The following TTC33 variants were observed in gnomAD, a reference collection of about 807,000 sequenced individuals.
TTC33 encodes tetratricopeptide repeat protein 33.
A neutral mutation model predicts 29.4 loss-of-function variants in TTC33; 24 were observed. The observed-to-expected ratio is 0.82, with a 90% CI of 0.59 to 1.15. The LOEUF (loss-of-function observed/expected upper bound fraction) is 1.15, where lower values mean the gene tolerates loss of function less well. Ranked by LOEUF, TTC33 falls within the 50% of genes most tolerant of loss-of-function variation. The pLI is 0.00. For synonymous variants in TTC33, 107 were observed against 100.3 expected, an observed-to-expected ratio of 1.07 and a Z score of -0.40; for missense variants, 286 against 310.4, an observed-to-expected ratio of 0.92 and a Z score of 0.59.
At chr5:40,734,340 C>T (rs1217541565) in intron 2 of TTC33, among the ~76,000 whole-genome samples, 1 of 118,174 alleles carries the variant, frequency 8.5e-6, no homozygotes, top group Non-Finnish European at 1.8e-5. Context: ...AGACACAGCC[C>T]TACTGCAGCT....
Position 40,712,879 on chromosome 5 carries a change from G to C in TTC33, c.*3266C>G, listed in dbSNP as rs1218537255. On this transcript the variant is annotated 3_prime_UTR_variant, in exon 5 of 5. Coordinates refer to ENST00000337702, the MANE Select transcript of TTC33 (RefSeq NM_012382.3). ...TAGTGCACATTAGGGCATGATTCATGTTACAGTAGCTTTAGGGCCACACTT... is the reference window on the plus strand; with the variant it reads ...TAGTGCACATTAGGGCATGATTCATCTTACAGTAGCTTTAGGGCCACACTT... 6.6e-6 allele frequency among the ~76,000 whole-genome samples: 1 copy of C among 152,136 alleles called. No individual in the cohort carries two copies. Among genetic ancestry groups the C allele is most frequent in the Non-Finnish European group, 1.5e-5 (1 of 68,022 alleles).
chr5:40,742,263 T>G (rs575099750), intron 2 of TTC33, among the ~76,000 whole-genome samples: 1 of 152,066 alleles, frequency 6.6e-6, no homozygotes, highest in Admixed American at 6.5e-5. Context: ...CATGAGGCAA[T>G]TGCAAGTGAA....
rs568412772 is a variant in TTC33 at position 40,711,733 on chromosome 5, T to G, written c.*4412A>C. Among the ~76,000 whole-genome samples, 286 of 152,234 alleles carry G rather than the reference T, an allele frequency of 1.9e-3. 1 individual carries two copies. The highest frequency in any genetic ancestry group is 3.2e-3 in the Non-Finnish European group (216 of 67,986). On this transcript the variant is annotated 3_prime_UTR_variant, in exon 5 of 5. Transcript: ENST00000337702. Reference sequence around the variant, plus strand: ...AGGAACTTATTATTGATACACATGATAACATGGATGAATCTCAACATGGAT... The same window carrying G: ...AGGAACTTATTATTGATACACATGAGAACATGGATGAATCTCAACATGGAT...
Position 40,723,592 on chromosome 5 carries a change from C to T in TTC33, c.435+4753G>A, listed in dbSNP as rs546407458. Among the ~76,000 whole-genome samples the T allele has an allele frequency of 5.9e-4, 89 of 151,916 alleles. 1 individual carries two copies. The highest frequency in any genetic ancestry group is 1.2e-3 in the Admixed American group (19 of 15,254). ...CACACACAAAAAAGGTGGCCAGATG[C>T]GGTGACTCACACCTATAATCCCAGC... On this transcript the variant is annotated intron_variant, in intron 4 of 4. Transcript: ENST00000337702.
chr5:40,748,256 G>C (rs182199399), intron 1 of TTC33, among the ~76,000 whole-genome samples: 10 of 151,796 alleles, frequency 6.6e-5, no homozygotes, highest in Admixed American at 6.6e-4. Context: ...GAGTGCAATG[G>C]CACGACCTCG....
chr5:40,722,645 G>T (rs1742168164), intron 4 of TTC33, among the ~76,000 whole-genome samples: 1 of 151,616 alleles, frequency 6.6e-6, no homozygotes, highest in Admixed American at 6.6e-5. Context: ...GCCCCGTCTG[G>T]GAAGTGAGGC....
At chr5:40,717,256 T>G (rs993021447) in intron 4 of TTC33, among the ~76,000 whole-genome samples, 2 of 146,354 alleles carry the variant, frequency 1.4e-5, no homozygotes, top group African/African-American at 5.0e-5. Context: ...AAGATTTACA[T>G]GTATTAACTC....
At chr5:40,734,036 A>C (rs1264939107) in intron 2 of TTC33, among the ~76,000 whole-genome samples, 1 of 152,232 alleles carries the variant, frequency 6.6e-6, no homozygotes, top group East Asian at 1.9e-4. Flanking sequence ...CCCTCAATGA[A>C]ATGTGCTTTG....
intron 4 of TTC33, among the ~76,000 whole-genome samples, chr5:40,718,635 G>C (rs750009389): frequency 6.6e-6 from 1 of 152,046 alleles, no homozygotes; most frequent in Admixed American, 6.5e-5. Flanking sequence ...CTACTCAGGG[G>C]GCTGAGGCAT....
chr5:40,729,361 C>T (rs1043769832), intron 3 of TTC33, among the ~76,000 whole-genome samples: 1 of 152,124 alleles, frequency 6.6e-6, no homozygotes, highest in South Asian at 2.1e-4. Context: ...TGCAACAATT[C>T]CCTGCCAAAA....
At chr5:40,726,103 C>T (rs1380446081) in intron 4 of TTC33, among the ~76,000 whole-genome samples, 1 of 151,230 alleles carries the variant, frequency 6.6e-6, no homozygotes, top group African/African-American at 2.4e-5. Flanking sequence ...CTTATTCTCT[C>T]ATCCTTCCAC....
chr5:40,716,123 A>G lies in TTC33; in HGVS notation c.*22T>C. ...AAGAGGCAATCAAAAAGACAGATTC[A>G]AATAATCCTATGCATACTGCTTCAT... On this transcript the variant is annotated 3_prime_UTR_variant, in exon 5 of 5. Coordinates refer to ENST00000337702, the MANE Select transcript of TTC33 (RefSeq NM_012382.3). 6.5e-7 allele frequency: 1 copy of G among 1,539,616 alleles called. No individual in the cohort carries two copies. The highest frequency in any genetic ancestry group is 1.4e-5 in the African/African-American group (1 of 72,730).
chr5:40,753,408 C>T (rs1442350401), intron 1 of TTC33, among the ~76,000 whole-genome samples: 1 of 151,286 alleles, frequency 6.6e-6, no homozygotes, highest in Non-Finnish European at 1.5e-5. Flanking sequence ...AATATACAGG[C>T]TGATAATATA....
chr5:40,729,930 C>T (rs1742384004), intron 3 of TTC33, among the ~76,000 whole-genome samples: 1 of 151,948 alleles, frequency 6.6e-6, no homozygotes, highest in Non-Finnish European at 1.5e-5. Flanking sequence ...AACTTCTGAC[C>T]TCAAGTGATC....
At chr5:40,741,158 C>T (rs1742686021) in intron 2 of TTC33, among the ~76,000 whole-genome samples, 1 of 152,190 alleles carries the variant, frequency 6.6e-6, no homozygotes, top group Non-Finnish European at 1.5e-5. Flanking sequence ...TTAAATGTTA[C>T]ACTGTTGACT....
chr5:40,746,714 A>C, intron 2 of TTC33, 84 bp downstream of exon 2: 1 of 1,011,564 alleles, frequency 9.9e-7, no homozygotes, highest in African/African-American at 1.6e-5. Flanking sequence ...GAATTTATCA[A>C]ATTCATAACT....
intron 2 of TTC33, among the ~76,000 whole-genome samples, chr5:40,732,398 A>G (rs572000358): frequency 6.6e-6 from 1 of 151,836 alleles, no homozygotes; most frequent in Non-Finnish European, 1.5e-5. Context: ...CAAGTCCTGC[A>G]AAAGACAGGA....
intron 4 of TTC33, among the ~76,000 whole-genome samples, chr5:40,719,367 C>T (rs1264466980): frequency 2.6e-5 from 4 of 152,128 alleles, no homozygotes; most frequent in Non-Finnish European, 4.4e-5. Context: ...AAAGTTCATC[C>T]GTGTTGTAAC....
intron 1 of TTC33, among the ~76,000 whole-genome samples, chr5:40,754,297 G>A (rs1169653136): frequency 6.6e-6 from 1 of 152,026 alleles, no homozygotes; most frequent in African/African-American, 2.4e-5. Context: ...CCTGAAAGAG[G>A]GAGACAAAAA....
Sources: allele counts gnomAD v4.1 joint callset (sites outside exome capture counted in the v4.1 genomes callset), GRCh38; gene constraint gnomAD v4.1.1; transcripts MANE v1.5; gene names NCBI Gene and HGNC (gene_info 2026-07-23, HGNC 2026-07-21).